The following MAPRE2 variants were observed in gnomAD, a reference collection of about 807,000 sequenced individuals.
MAPRE2 encodes the protein microtubule-associated protein RP/EB family member 2.
A neutral mutation model predicts 43.2 loss-of-function variants in MAPRE2; 13 were observed. The ratio of observed to expected loss-of-function variants is 0.30; its 90% CI spans 0.20 to 0.48. The LOEUF (loss-of-function observed/expected upper bound fraction) is 0.48, where lower values mean the gene tolerates loss of function less well. MAPRE2 is among the 20% of genes least tolerant of loss of function. The probability of loss-of-function intolerance (pLI) is 0.99; values close to 1 mark genes in which losing one functional copy is unlikely to be tolerated. For synonymous variants in MAPRE2, 135 were observed against 148.8 expected, an observed-to-expected ratio of 0.91 and a Z score of 0.68; for missense variants, 161 against 400.2, an observed-to-expected ratio of 0.40 and a Z score of 5.10.
chr18:35,030,378 C>T (rs1186401114), intron 2 of MAPRE2, among the ~76,000 whole-genome samples: 4 of 152,216 alleles, frequency 2.6e-5, no homozygotes, highest in African/African-American at 9.6e-5. Context: ...CTGGATTCTG[C>T]ATTCTTCCTT....
Position 35,126,560 on chromosome 18 carries a change from T to C in MAPRE2, c.611-388T>C, listed in dbSNP as rs58066011. On this transcript the variant is annotated intron_variant, in intron 4 of 6. Transcript: ENST00000300249. ...TATTTCTGCTGAAGTATTAATTGGT[T>C]ATAAGATCTTTTCTCTTGTTTGTTA... 9.5e-3 allele frequency among the ~76,000 whole-genome samples: 1,453 copies of C among 152,368 alleles called. 20 individuals are homozygous for C. The highest frequency in any genetic ancestry group is 0.033 in the African/African-American group (1,387 of 41,582).
intron 4 of MAPRE2, among the ~76,000 whole-genome samples, chr18:35,122,146 T>C (rs1379912247): frequency 6.6e-6 from 1 of 152,246 alleles, no homozygotes; most frequent in East Asian, 1.9e-4. Context: ...AATCATTGAA[T>C]ATAATGAGGA....
intron 2 of MAPRE2, among the ~76,000 whole-genome samples, chr18:35,014,085 G>A (rs1176052426): frequency 6.6e-6 from 1 of 152,106 alleles, no homozygotes; most frequent in East Asian, 1.9e-4. Flanking sequence ...ATTGCAACAA[G>A]CAAGAATCCG....
chr18:35,085,109 G>A (rs1328489584), intron 2 of MAPRE2, among the ~76,000 whole-genome samples: 1 of 152,176 alleles, frequency 6.6e-6, no homozygotes, highest in Non-Finnish European at 1.5e-5. Context: ...CCTTTAAAAT[G>A]TTAATATTTC....
At chr18:34,995,158 A>G (rs2097025839) in intron 1 of MAPRE2, among the ~76,000 whole-genome samples, 1 of 152,212 alleles carries the variant, frequency 6.6e-6, no homozygotes, top group Non-Finnish European at 1.5e-5. Flanking sequence ...AAGTGCACCA[A>G]GAGAGGAATG....
upstream of MAPRE2, among the ~76,000 whole-genome samples, chr18:35,038,242 T>C (rs2097051698): frequency 6.6e-6 from 1 of 152,140 alleles, no homozygotes. Flanking sequence ...TAGCAACATC[T>C]CCTCCACTTC....
intron 1 of MAPRE2, among the ~76,000 whole-genome samples, chr18:35,062,775 A>G (rs1906600134): frequency 6.6e-6 from 1 of 152,248 alleles, no homozygotes; most frequent in Admixed American, 6.5e-5. Context: ...CACTTGGGTT[A>G]TAAGAAATTC....
intron 1 of MAPRE2, among the ~76,000 whole-genome samples, chr18:35,055,537 C>CTGTGTGTATG (rs1862018208): frequency 6.8e-6 from 1 of 146,594 alleles, no homozygotes. Context: ...ATTCAGTTCT[C>CTGTGTGTATG]TGTGTGTGTG....
At chr18:35,010,739 T>C (rs1339190555) in intron 2 of MAPRE2, among the ~76,000 whole-genome samples, 5 of 152,202 alleles carry the variant, frequency 3.3e-5, no homozygotes, top group African/African-American at 1.2e-4. Context: ...TTCCTTTTCC[T>C]CCTTTTCTTC....
chr18:35,003,112 G>C (rs1231557634), intron 1 of MAPRE2, among the ~76,000 whole-genome samples: 1 of 152,094 alleles, frequency 6.6e-6, no homozygotes, highest in Admixed American at 6.5e-5. Flanking sequence ...CTCTACTCCT[G>C]CCAAACACAG....
rs745966288 is a variant in MAPRE2, at chr18:35,075,232, C to T, written c.250+4910C>T. On this transcript the variant is annotated intron_variant, in intron 2 of 6. Transcript: ENST00000300249. ...GTAGCCATCAGATGGCCCTGGGACC[C>T]GTGGTGCAGGTGCTCCGGGCCCCAC... Among the ~76,000 whole-genome samples, 3 of 152,212 alleles carry T rather than the reference C, an allele frequency of 2.0e-5. No individual in the cohort carries two copies. The East Asian group carries it at 5.8e-4, about 29-fold the overall frequency.
At position 35,127,102 on chromosome 18, in the gene MAPRE2, C is replaced by T. The variant is rs779413990; in HGVS notation, c.750+15C>T. The stretch of plus-strand genomic sequence containing the variant: ...TTAATGAACAGGTAATGCATCAGCT[C>T]TGGCCACGCCTCTAGGAGCAGTGAC... On this transcript the variant is annotated intron_variant, in intron 5 of 6. Coordinates refer to ENST00000300249, the MANE Select transcript of MAPRE2 (RefSeq NM_014268.4). 2 of 1,613,992 alleles carry T rather than the reference C, an allele frequency of 1.2e-6. No individual in the cohort carries two copies. Among genetic ancestry groups the T allele is most frequent in the South Asian group, 2.2e-5 (2 of 91,046 alleles).
intron 2 of MAPRE2, chr18:35,005,569 AT>A: frequency 2.0e-6 from 3 of 1,478,064 alleles, no homozygotes; most frequent in Non-Finnish European, 2.7e-6. Flanking sequence ...GTTTATATAA[AT>A]TACGTTGCAT....
chr18:35,083,354 A>G (rs1359187843), intron 2 of MAPRE2, among the ~76,000 whole-genome samples: 18 of 152,234 alleles, frequency 1.2e-4, no homozygotes, highest in Admixed American at 1.2e-3. Flanking sequence ...TCATGACCCT[A>G]ATGAGAAAAC....
At chr18:35,005,691 C>T in intron 2 of MAPRE2, 1 of 471,890 alleles carries the variant, frequency 2.1e-6, no homozygotes, top group Non-Finnish European at 3.7e-6. Context: ...TAAATATGCT[C>T]TTTTAAAACA....
chr18:35,093,312 T>C (rs1389062572), intron 2 of MAPRE2, among the ~76,000 whole-genome samples: 1 of 151,460 alleles, frequency 6.6e-6, no homozygotes, highest in African/African-American at 2.4e-5. Flanking sequence ...TCATACACTG[T>C]TGGTAGAAAT....
intron 4 of MAPRE2, among the ~76,000 whole-genome samples, chr18:35,105,056 T>A (rs1403832446): frequency 6.6e-6 from 1 of 152,146 alleles, no homozygotes; most frequent in East Asian, 1.9e-4. Context: ...CAAATAGCAC[T>A]GTTACTATGC....
chr18:35,020,800 A>T (rs2097041494), intron 2 of MAPRE2, among the ~76,000 whole-genome samples: 1 of 152,224 alleles, frequency 6.6e-6, no homozygotes, highest in East Asian at 1.9e-4. Flanking sequence ...ACATAAAAAC[A>T]TGAAGCATTT....
chr18:34,985,190 T>C (rs867298305), intron 1 of MAPRE2, among the ~76,000 whole-genome samples: 758 of 73,212 alleles, frequency 0.01, 13 homozygotes, highest in African/African-American at 0.03. Context: ...ATAAATATAA[T>C]ATATAAAATA....
Sources: allele counts gnomAD v4.1 joint callset (sites outside exome capture counted in the v4.1 genomes callset), GRCh38; gene constraint gnomAD v4.1.1; transcripts MANE v1.5; gene names NCBI Gene and HGNC (gene_info 2026-07-23, HGNC 2026-07-21).